The following KIAA0930 variants were observed in gnomAD, a reference collection of about 807,000 sequenced individuals.
KIAA0930 encodes uncharacterized protein KIAA0930.
KIAA0930 carries 24 observed loss-of-function variants against 43.9 expected under a neutral mutation model. The observed-to-expected ratio is 0.55, with a 90% CI of 0.40 to 0.77. The LOEUF is 0.77. Among genes scored for constraint, KIAA0930 ranks in the 30% least tolerant of loss-of-function variants. The pLI is 0.00. For synonymous variants in KIAA0930, 259 were observed against 216.4 expected, an observed-to-expected ratio of 1.20 and a Z score of -1.73; for missense variants, 461 against 574.2, an observed-to-expected ratio of 0.80 and a Z score of 2.02.
At chr22:45,213,178 T>C (rs1301788286) in intron 1 of KIAA0930, 7 of 620,250 alleles carry the variant, frequency 1.1e-5, no homozygotes, top group Admixed American at 8.9e-5. Context: ...CTGAGTCAAA[T>C]GCAGAACACC....
chr22:45,196,639 T>C lies in KIAA0930; in HGVS notation c.*537A>G, dbSNP rs1277814934. 1 of 153,022 alleles carries C rather than the reference T, an allele frequency of 6.5e-6. No individual in the cohort carries two copies. Among genetic ancestry groups the C allele is most frequent in the East Asian group, 1.9e-4 (1 of 5,186 alleles). 9.5% of individuals were successfully genotyped at this position (153,022 alleles called of 1,614,324 possible). On this transcript the variant is annotated 3_prime_UTR_variant, in exon 10 of 10. Transcript: ENST00000336156. The surrounding 1 kb of genome is among the most constrained non-coding windows in gnomAD (Gnocchi z 4.1). ...GGCAAAGCCATCAAACTTCTCGTGT[T>C]CCCATCTCCTATTAGAACAAAGTGG...
intron 2 of KIAA0930, among the ~76,000 whole-genome samples, chr22:45,208,415 G>A (rs1441654190): frequency 2.7e-5 from 4 of 148,688 alleles, no homozygotes; most frequent in South Asian, 2.1e-4. Context: ...CCACACACAC[G>A]AGCTGTGAGA....
At chr22:45,229,678 G>A (rs998616202) in intron 1 of KIAA0930, among the ~76,000 whole-genome samples, 2 of 152,234 alleles carry the variant, frequency 1.3e-5, no homozygotes, top group Non-Finnish European at 2.9e-5. Flanking sequence ...CAGGCCAAGT[G>A]TGGAGGGGAC....
intron 1 of KIAA0930, among the ~76,000 whole-genome samples, chr22:45,221,891 C>A (rs762785868): frequency 6.6e-6 from 1 of 152,136 alleles, no homozygotes; most frequent in Non-Finnish European, 1.5e-5. Context: ...TGCGCAACCA[C>A]GCCAGGCTAA....
At chr22:45,201,089 G>A (rs547766203) in intron 7 of KIAA0930, 17 of 467,654 alleles carry the variant, frequency 3.6e-5, no homozygotes, top group Admixed American at 2.1e-4. Flanking sequence ...CAGCCTCCTC[G>A]TCACGGCTCC....
chr22:45,216,598 A>C (rs1034669464), intron 1 of KIAA0930, among the ~76,000 whole-genome samples: 1 of 152,076 alleles, frequency 6.6e-6, no homozygotes, highest in African/African-American at 2.4e-5. Flanking sequence ...TCTTTCTCCC[A>C]CAAGCAAACC....
intron 1 of KIAA0930, among the ~76,000 whole-genome samples, chr22:45,233,847 C>T (rs1046690248): frequency 6.6e-6 from 1 of 152,192 alleles, no homozygotes; most frequent in Non-Finnish European, 1.5e-5. Context: ...TATTAGATGA[C>T]GTATTGTTTA....
At chr22:45,226,432 C>T (rs755536975) in intron 1 of KIAA0930, 9 of 418,322 alleles carry the variant, frequency 2.2e-5, no homozygotes, top group South Asian at 3.4e-5. Flanking sequence ...CCTTGCATGG[C>T]GGGGGAGGCT....
In KIAA0930 at chr22:45,211,985, C is replaced by G; in HGVS notation, c.187G>C (p.Gly63Arg). The change falls in exon 2 of 10, where the codon GGC becomes CGC. Residue 63 changes from glycine (G) to arginine (R), a missense_variant. Gly to Arg is a moderately radical substitution (Grantham distance 125, BLOSUM62 -2). Transcript: ENST00000336156. ...CTCCCGTCTGCACCGCTTTCGCTGC[C>G]GGAGTACGCCAGCTTCCGGCGCACA... is the stretch of plus-strand genomic sequence containing the variant. The part of the protein sequence containing the change: ...FYVRRKLAYS[G>R]SESGADGRKA... 2 of 1,613,014 alleles carry G rather than the reference C, an allele frequency of 1.2e-6. No individual in the cohort carries two copies.
chr22:45,240,325 G>T (rs1177636612), intron 1 of KIAA0930, among the ~76,000 whole-genome samples: 1 of 152,260 alleles, frequency 6.6e-6, no homozygotes, highest in Non-Finnish European at 1.5e-5. Flanking sequence ...GGAGAAGGAA[G>T]AAGACCCGCA....
rs1371423582 is a variant in KIAA0930, at chr22:45,196,003, TG to T, written c.*1172del. ...ATCACCGGAACCCCTCAAATATTCC[TG>T]GGAACTTCAAACAAAAAAACATAGC... On this transcript the variant is annotated 3_prime_UTR_variant, in exon 10 of 10. Coordinates refer to ENST00000336156, the MANE Select transcript of KIAA0930 (RefSeq NM_001009880.2). This position sits in a 1 kb window ranked among gnomAD's most constrained non-coding sequence, Gnocchi z 4.1. 1 of 151,928 alleles carries T rather than the reference TG, an allele frequency of 6.6e-6. No individual in the cohort carries two copies. The highest frequency in any genetic ancestry group is 1.5e-5 in the Non-Finnish European group (1 of 68,066). 9.4% of individuals were successfully genotyped at this position (151,928 alleles called of 1,614,324 possible). A position where few individuals can be genotyped will look rare whatever the true frequency, so the allele number is the denominator to read the frequency against.
chr22:45,235,818 C>G (rs998153668), intron 1 of KIAA0930, among the ~76,000 whole-genome samples: 1 of 152,238 alleles, frequency 6.6e-6, no homozygotes, highest in African/African-American at 2.4e-5. Context: ...CACTGAGGCC[C>G]GAGGGCTGGA....
At chr22:45,226,044 C>T (rs1301896868) in intron 1 of KIAA0930, 5 of 325,978 alleles carry the variant, frequency 1.5e-5, no homozygotes, top group Admixed American at 3.8e-5. Context: ...CGGGGCCCAG[C>T]GCAGGGCAGT....
intron 1 of KIAA0930, among the ~76,000 whole-genome samples, chr22:45,224,098 A>G (rs912704731): frequency 3.9e-5 from 6 of 152,246 alleles, no homozygotes; most frequent in Non-Finnish European, 5.9e-5. Context: ...ACCTATCCAA[A>G]AAGTAACCAA....
At chr22:45,240,539 G>A (rs888388641) in intron 1 of KIAA0930, 101 bp downstream of exon 1, 1 of 787,554 alleles carries the variant, frequency 1.3e-6, no homozygotes, top group Admixed American at 2.4e-5. Context: ...CACCCGCGCA[G>A]AGACAGAGAT....
intron 7 of KIAA0930, 106 bp from the exon 8 acceptor site, chr22:45,200,141 G>A: frequency 8.4e-7 from 1 of 1,188,156 alleles, no homozygotes; most frequent in Non-Finnish European, 1.1e-6. Context: ...CAGCTCCCAG[G>A]GAAGAGGCCG....
intron 1 of KIAA0930, among the ~76,000 whole-genome samples, chr22:45,223,777 A>AAGCACCCAGGGTCAGCACTGAGAC: frequency 7.4e-6 from 1 of 135,386 alleles, no homozygotes; most frequent in Non-Finnish European, 1.6e-5. Flanking sequence ...AGCACCAGAT[A>AAGCACCCAGGGTCAGCACTGAGAC]AGCACCCAGG....
chr22:45,234,549 G>A (rs548890892), intron 1 of KIAA0930, among the ~76,000 whole-genome samples: 28 of 152,168 alleles, frequency 1.8e-4, no homozygotes, highest in Non-Finnish European at 3.5e-4. Context: ...GTGAACACCC[G>A]TCTACCACCT....
chr22:45,200,110 C>A, intron 7 of KIAA0930, 75 bp from the exon 8 acceptor site: 1 of 1,427,146 alleles, frequency 7.0e-7, no homozygotes, highest in Non-Finnish European at 9.4e-7. Context: ...CCCTCCTATC[C>A]CACCCTCAAA....
Sources: allele counts gnomAD v4.1 joint callset (sites outside exome capture counted in the v4.1 genomes callset), GRCh38; gene constraint gnomAD v4.1.1; non-coding constraint Gnocchi (gnomAD v3.1); transcripts MANE v1.5; gene names NCBI Gene and HGNC (gene_info 2026-07-23, HGNC 2026-07-21).